The following TNS1 variants were observed in gnomAD, a reference collection of about 807,000 sequenced individuals.
TNS1 encodes tensin 1.
TNS1 carries 62 observed loss-of-function variants against 168.6 expected under a neutral mutation model. The observed-to-expected ratio is 0.37, with a 90% CI of 0.30 to 0.45. The LOEUF (loss-of-function observed/expected upper bound fraction) is 0.45. Among genes scored for constraint, TNS1 ranks in the 20% least tolerant of loss-of-function variants. The probability of loss-of-function intolerance (pLI) is 1.00; values close to 1 mark genes in which losing one functional copy is unlikely to be tolerated. For missense variants in TNS1, 2,240 were observed against 2,339.4 expected (o/e 0.96, Z 0.88); for synonymous variants, 934 against 933.2 (o/e 1.00, Z -0.02).
chr2:218,020,806 A>C (rs1574483063), intron 1 of TNS1, among the ~76,000 whole-genome samples: 1 of 152,156 alleles, frequency 6.6e-6, no homozygotes, highest in Admixed American at 6.5e-5. Flanking sequence ...CCAGTGAAGC[A>C]CTCAGCCAGA....
chr2:217,817,319 C>T (rs548730710), intron 24 of TNS1, among the ~76,000 whole-genome samples: 5 of 152,166 alleles, frequency 3.3e-5, no homozygotes, highest in Non-Finnish European at 5.9e-5. Flanking sequence ...ATATTAATAC[C>T]TACTTTACTA....
intron 3 of TNS1, among the ~76,000 whole-genome samples, chr2:217,932,104 C>A (rs1250874447): frequency 6.6e-6 from 1 of 152,198 alleles, no homozygotes; most frequent in Non-Finnish European, 1.5e-5. Flanking sequence ...TCGCCTGACT[C>A]CAGACAGCTG....
chr2:217,889,968 T>C (rs1951580108), intron 12 of TNS1, among the ~76,000 whole-genome samples: 1 of 152,182 alleles, frequency 6.6e-6, no homozygotes, highest in Admixed American at 6.5e-5. Flanking sequence ...GAGCAACATG[T>C]CACCCACGGA....
intron 3 of TNS1, among the ~76,000 whole-genome samples, chr2:217,946,276 G>T (rs1013425562): frequency 6.6e-6 from 1 of 152,008 alleles, no homozygotes; most frequent in Non-Finnish European, 1.5e-5. Flanking sequence ...GGGCTTCCGC[G>T]GCTCACTAAC....
At chr2:217,827,713 A>G (rs565418820) in intron 22 of TNS1, among the ~76,000 whole-genome samples, 7 of 152,356 alleles carry the variant, frequency 4.6e-5, no homozygotes, top group Non-Finnish European at 8.8e-5. Flanking sequence ...TGTCAGCTGC[A>G]TATCTGTGAC....
At chr2:217,819,684 A>T (rs1942507483) in intron 23 of TNS1, among the ~76,000 whole-genome samples, 1 of 152,162 alleles carries the variant, frequency 6.6e-6, no homozygotes, top group African/African-American at 2.4e-5. Context: ...AAGTTTTTCC[A>T]TGTGGAAAAT....
chr2:217,821,954 G>T lies in TNS1; in HGVS notation c.3374-16C>A. 2 of 1,570,696 alleles carry T rather than the reference G, an allele frequency of 1.3e-6. No individual in the cohort carries two copies. Among genetic ancestry groups the T allele is most frequent in the African/African-American group, 1.4e-5 (1 of 73,800 alleles). On this transcript the variant is annotated splice_polypyrimidine_tract_variant and intron_variant, in intron 22 of 32. Transcript: ENST00000682258. ...CTCCGGGGCTCTGGAAGGGGCAAGAGGACAGAGACACTGAGCACAGATGCA... is the reference window on the plus strand; with the variant it reads ...CTCCGGGGCTCTGGAAGGGGCAAGATGACAGAGACACTGAGCACAGATGCA...
At chr2:217,922,314 G>C (rs1487888221) in intron 3 of TNS1, among the ~76,000 whole-genome samples, 1 of 152,230 alleles carries the variant, frequency 6.6e-6, no homozygotes, top group African/African-American at 2.4e-5. Flanking sequence ...GAGTTTTCAA[G>C]GTCAGGGGCC....
At chr2:217,811,278 C>T (rs917532437) in intron 28 of TNS1, among the ~76,000 whole-genome samples, 1 of 150,000 alleles carries the variant, frequency 6.7e-6, no homozygotes, top group Non-Finnish European at 1.5e-5. Flanking sequence ...AAATATTAAA[C>T]AGTTTTTTAA....
intron 29 of TNS1, 41 bp from the exon 30 acceptor site, chr2:217,810,032 G>C (rs151038574): frequency 6.2e-7 from 1 of 1,600,162 alleles, no homozygotes; most frequent in African/African-American, 1.3e-5. Flanking sequence ...GGGAGCTGGC[G>C]TGGGTGAGGA....
chr2:217,932,387 A>G (rs1301795554), intron 3 of TNS1, among the ~76,000 whole-genome samples: 1 of 152,252 alleles, frequency 6.6e-6, no homozygotes, highest in Non-Finnish European at 1.5e-5. Context: ...TCATCTTTGC[A>G]GAGTGGCTGG....
intron 4 of TNS1, among the ~76,000 whole-genome samples, chr2:217,913,579 G>C (rs1412195446): frequency 2.0e-5 from 3 of 151,924 alleles, no homozygotes; most frequent in African/African-American, 7.3e-5. Context: ...CCCTCCCCTG[G>C]CGGTCCCTCC....
At position 217,873,676 on chromosome 2, in the gene TNS1, G is replaced by T. The variant is rs551812347; in HGVS notation, c.1429+7222C>A. ...AAGGATGACTGGGCTGAGGAAGGGG[G>T]TCCTGAGCATCTGAACAGAACCATG... On this transcript the variant is annotated intron_variant, in intron 18 of 32. Transcript: ENST00000682258. Among the ~76,000 whole-genome samples, 5 of 152,278 alleles carry T rather than the reference G, an allele frequency of 3.3e-5. No individual in the cohort carries two copies. In the East Asian group the frequency reaches 7.7e-4, roughly 23 times the overall value.
rs1351690025 is a variant in TNS1 at position 217,818,347 on chromosome 2, A to G, written c.3985T>C (p.Phe1329Leu). The change falls in exon 24 of 33, where the codon TTC becomes CTC. Residue 1329 changes from phenylalanine (F) to leucine (L), a missense_variant. By Grantham distance (22) the Phe-to-Leu change is conservative (BLOSUM62 0). Coordinates refer to ENST00000682258, the MANE Select transcript of TNS1 (RefSeq NM_001387777.1). ...HQMMGPPGTG[F>L]HGSTVSSPQS... ...GGGCTGGAGACAGTGCTACCATGGAAGCCAGTGCCTGGTGGACCCATCATC... is the reference window on the plus strand; with the variant it reads ...GGGCTGGAGACAGTGCTACCATGGAGGCCAGTGCCTGGTGGACCCATCATC... 2 of 1,614,156 alleles carry G rather than the reference A, an allele frequency of 1.2e-6. No individual in the cohort carries two copies. Among genetic ancestry groups the G allele is most frequent in the South Asian group, 1.1e-5 (1 of 91,076 alleles).
chr2:217,860,677 T>A (rs113061429), intron 18 of TNS1, among the ~76,000 whole-genome samples: 2 of 152,254 alleles, frequency 1.3e-5, no homozygotes, highest in Admixed American at 6.5e-5. Context: ...TTGTAAGTTA[T>A]AAAAATAAAC....
Position 217,803,331 on chromosome 2 carries a change from G to A in TNS1, c.*1128C>T. The A allele has an allele frequency of 6.6e-6, 1 of 152,468 alleles. No individual in the cohort carries two copies. Among genetic ancestry groups the A allele is most frequent in the Non-Finnish European group, 1.5e-5 (1 of 68,172 alleles). 9.4% of individuals were successfully genotyped at this position (152,468 alleles called of 1,614,324 possible). On this transcript the variant is annotated 3_prime_UTR_variant, in exon 33 of 33. Transcript: ENST00000682258. ...GACTCAATCCCCAGCCCCCAAAAAG[G>A]CATCATGCAGGTAAGCAGGTCTGAG...
At chr2:217,967,892 A>G (rs951265333) in intron 3 of TNS1, among the ~76,000 whole-genome samples, 3 of 152,230 alleles carry the variant, frequency 2.0e-5, no homozygotes, top group Non-Finnish European at 4.4e-5. Context: ...AGATGTAAAA[A>G]TCCTCAAGAA....
chr2:217,904,738 T>A (rs1031131751), intron 6 of TNS1, among the ~76,000 whole-genome samples: 1 of 152,226 alleles, frequency 6.6e-6, no homozygotes, highest in African/African-American at 2.4e-5. Context: ...CAATCAAAAG[T>A]TCTTCGTGAC....
At position 217,986,742 on chromosome 2, in the gene TNS1, C is replaced by G. The variant is rs1236316107; in HGVS notation, c.148+4200G>C. ...ACGGCCCTCCACATACACACACACA[C>G]ACACACACACACACACACACGCACG... is the stretch of plus-strand genomic sequence containing the variant. On this transcript the variant is annotated intron_variant, in intron 2 of 32. Transcript: ENST00000682258. This position sits in a 1 kb window ranked among gnomAD's most constrained non-coding sequence, Gnocchi z 4.7. 1.3e-5 allele frequency: 2 copies of G among 148,554 alleles called. No individual in the cohort carries two copies. Among genetic ancestry groups the G allele is most frequent in the Non-Finnish European group, 3.0e-5 (2 of 67,580 alleles). The allele number at this position is 148,554 out of a possible 1,614,324, so 9.2% of individuals were successfully genotyped here.
Sources: allele counts gnomAD v4.1 joint callset (sites outside exome capture counted in the v4.1 genomes callset), GRCh38; gene constraint gnomAD v4.1.1; non-coding constraint Gnocchi (gnomAD v3.1); transcripts MANE v1.5; gene names NCBI Gene and HGNC (gene_info 2026-07-23, HGNC 2026-07-21).